Variants in RAD51B observed in about 807,000 individuals in gnomAD.
RAD51B encodes RAD51 paralog B, also known as DNA repair protein RAD51 homolog 2.
In RAD51B, 38 loss-of-function variants were observed where a neutral mutation model predicts 42.2. The ratio of observed to expected loss-of-function variants is 0.90; its 90% CI spans 0.70 to 1.18. The LOEUF is 1.18. Among genes scored for constraint, RAD51B ranks in the 50% most tolerant of loss-of-function variants. The pLI is 0.00. For missense variants in RAD51B, 373 were observed against 400.7 expected (o/e 0.93, Z 0.59); for synonymous variants, 154 against 145.2 (o/e 1.06, Z -0.43).
At chr14:67,824,941 G>A (rs145318272) in intron 2 of RAD51B, among the ~76,000 whole-genome samples, 5,307 of 151,856 alleles carry the variant, frequency 0.035, 220 homozygotes, top group African/African-American at 0.1. Context: ...AGCCAGGCAT[G>A]GTAGTGAGTG....
intron 7 of RAD51B, among the ~76,000 whole-genome samples, chr14:67,917,632 C>A (rs932656937): frequency 6.6e-6 from 1 of 152,086 alleles, no homozygotes; most frequent in Non-Finnish European, 1.5e-5. Context: ...GCTGAGGAAT[C>A]ATTGAATTTT....
At chr14:68,129,255 G>T (rs1329998087) in intron 7 of RAD51B, among the ~76,000 whole-genome samples, 1 of 152,132 alleles carries the variant, frequency 6.6e-6, no homozygotes, top group Non-Finnish European at 1.5e-5. Flanking sequence ...TTTGTATACT[G>T]AGGTAGGATG....
At chr14:68,506,527 G>A (rs560816375) in intron 10 of RAD51B, among the ~76,000 whole-genome samples, 8 of 152,354 alleles carry the variant, frequency 5.3e-5, no homozygotes, top group South Asian at 2.1e-4. Flanking sequence ...GTGGCTGTGC[G>A]TGCGCGTGCA....
At chr14:68,626,078 G>A (rs1026729414) in intron 10 of RAD51B, among the ~76,000 whole-genome samples, 1 of 152,214 alleles carries the variant, frequency 6.6e-6, no homozygotes. Flanking sequence ...TTTATCCACT[G>A]GAACAGCTTG....
chr14:68,340,150 GA>G (rs2082543168), intron 8 of RAD51B, among the ~76,000 whole-genome samples: 1 of 152,210 alleles, frequency 6.6e-6, no homozygotes, highest in African/African-American at 2.4e-5. Context: ...CCGATACAAT[GA>G]GTTACCAAGG....
rs576995300 is a variant in RAD51B at position 68,566,910 on chromosome 14, T to C, written c.1037-27575T>C. ...TCTTCTACCAGCAATGGCCAGGCCA[T>C]GGGTTTATTGCTTTCCCTGTGTATT... is the stretch of plus-strand genomic sequence containing the variant. On this transcript the variant is annotated intron_variant, in intron 10 of 10. Coordinates refer to the RAD51B transcript ENST00000487270. Among the ~76,000 whole-genome samples the C allele has an allele frequency of 3.9e-5, 6 of 152,322 alleles. No homozygotes were observed. In the South Asian group the frequency reaches 1.2e-3, roughly 32 times the overall value.
At chr14:68,317,304 A>AACATCTCACC (rs11282617) in intron 8 of RAD51B, among the ~76,000 whole-genome samples, 3 of 151,600 alleles carry the variant, frequency 2.0e-5, no homozygotes, top group African/African-American at 7.3e-5. Context: ...GTTCACTTTG[A>AACATCTCACC]ACATATTTAT....
At chr14:67,925,166 T>G (rs1238402625) in intron 7 of RAD51B, among the ~76,000 whole-genome samples, 1 of 152,236 alleles carries the variant, frequency 6.6e-6, no homozygotes. Context: ...CAGCTATGCC[T>G]CTGTGGCTTT....
At chr14:67,948,931 CAAAAAA>C (rs59465805) in intron 7 of RAD51B, among the ~76,000 whole-genome samples, 7 of 17,068 alleles carry the variant, frequency 4.1e-4, no homozygotes, top group East Asian at 2.3e-3. Flanking sequence ...GACTCTGTCT[CAAAAAA>C]AAAAAAAAAA....
At chr14:67,930,869 C>T (rs1438824811) in intron 7 of RAD51B, among the ~76,000 whole-genome samples, 1 of 147,650 alleles carries the variant, frequency 6.8e-6, no homozygotes, top group Non-Finnish European at 1.5e-5. Flanking sequence ...TTTGTTCATT[C>T]TTTTTTATTC....
At chr14:68,515,909 C>A (rs1886119475) in intron 10 of RAD51B, among the ~76,000 whole-genome samples, 1 of 151,882 alleles carries the variant, frequency 6.6e-6, no homozygotes, top group Admixed American at 6.6e-5. Flanking sequence ...CCTCAGCCTC[C>A]CGAGTAGCTG....
intron 4 of RAD51B, among the ~76,000 whole-genome samples, chr14:67,857,553 A>G (rs1281544402): frequency 6.6e-6 from 1 of 152,240 alleles, no homozygotes; most frequent in Non-Finnish European, 1.5e-5. Flanking sequence ...TTCCAAATAT[A>G]TCATCTTAAT....
intron 10 of RAD51B, chr14:68,562,308 T>G (rs1031733635): frequency 5.1e-6 from 5 of 985,324 alleles, no homozygotes; most frequent in Admixed American, 1.2e-4. Context: ...GCCAAACCTC[T>G]GCCTGACGAA....
chr14:68,637,173 G>A (rs746586561), intron 10 of RAD51B, among the ~76,000 whole-genome samples: 4 of 151,980 alleles, frequency 2.6e-5, no homozygotes, highest in African/African-American at 4.8e-5. Flanking sequence ...TCAAACTCCC[G>A]GCTTCAAGTG....
intron 7 of RAD51B, among the ~76,000 whole-genome samples, chr14:67,961,348 T>A (rs185430339): frequency 6.6e-6 from 1 of 152,324 alleles, no homozygotes. Context: ...AGAAATTTTC[T>A]GAGGGCTATA....
chr14:68,323,554 G>A (rs10083397), intron 8 of RAD51B, among the ~76,000 whole-genome samples: 2,755 of 152,246 alleles, frequency 0.018, 77 homozygotes, highest in African/African-American at 0.059. Context: ...CACTTTGAGA[G>A]GCCAAGGCAG....
At chr14:68,089,202 G>A (rs966442743) in intron 7 of RAD51B, among the ~76,000 whole-genome samples, 16 of 151,984 alleles carry the variant, frequency 1.1e-4, no homozygotes, top group African/African-American at 3.9e-4. Context: ...TGTTTCCTTT[G>A]TTCAAGTTGC....
chr14:68,463,402 A>G (rs1442211853), intron 9 of RAD51B, among the ~76,000 whole-genome samples: 2 of 152,324 alleles, frequency 1.3e-5, no homozygotes, highest in East Asian at 1.9e-4. Context: ...GTGCATCTTC[A>G]TATAGTATAT....
At chr14:68,603,865 GC>G (rs1180650447) in intron 10 of RAD51B, among the ~76,000 whole-genome samples, 3 of 152,228 alleles carry the variant, frequency 2.0e-5, no homozygotes, top group African/African-American at 7.2e-5. Context: ...CTACCTCCGT[GC>G]CAGACGACCA....
Sources: gnomAD v4.1 joint callset for allele counts (sites outside exome capture counted in the v4.1 genomes callset) on GRCh38, gnomAD v4.1.1 for gene constraint, MANE v1.5 for transcripts, NCBI Gene and HGNC (gene_info 2026-07-23, HGNC 2026-07-21) for gene names.